Variants in CSMD1 observed in about 807,000 individuals in gnomAD.
CSMD1 encodes the protein CUB and sushi domain-containing protein 1.
Under a neutral mutation model 417.5 loss-of-function variants are expected in CSMD1, and 213 were observed. The observed-to-expected ratio is 0.51, with a 90% CI of 0.46 to 0.57. The LOEUF (loss-of-function observed/expected upper bound fraction) is 0.57, where lower values mean the gene tolerates loss of function less well. Among genes scored for constraint, CSMD1 ranks in the 20% least tolerant of loss-of-function variants. The pLI, the probability that CSMD1 is intolerant of heterozygous loss-of-function variation, is 0.00. For synonymous variants in CSMD1, 2,862 were observed against 1,736.8 expected (o/e 1.65, Z -16.11); for missense variants, 6,923 against 4,529.7 (o/e 1.53, Z -15.17).
intron 1 of CSMD1, among the ~76,000 whole-genome samples, chr8:4,955,751 C>T (rs1411756134): frequency 8.2e-6 from 1 of 122,164 alleles, no homozygotes; most frequent in Admixed American, 9.1e-5. Context: ...CCACCACGCC[C>T]GGGCCCTCTC....
At chr8:3,209,441 C>A (rs905473703) in intron 30 of CSMD1, among the ~76,000 whole-genome samples, 1 of 151,984 alleles carries the variant, frequency 6.6e-6, no homozygotes, top group Admixed American at 6.6e-5. Flanking sequence ...CTCAGCCTCC[C>A]GAGTAGCTGG....
At chr8:3,380,951 C>T (rs1810591634) in intron 18 of CSMD1, among the ~76,000 whole-genome samples, 1 of 151,808 alleles carries the variant, frequency 6.6e-6, no homozygotes, top group South Asian at 2.1e-4. Flanking sequence ...TACCAATGCT[C>T]AAAGAAGAAT....
intron 23 of CSMD1, among the ~76,000 whole-genome samples, chr8:3,342,731 A>T (rs1380839660): frequency 1.3e-5 from 2 of 152,180 alleles, no homozygotes; most frequent in African/African-American, 4.8e-5. Context: ...TCCTGGCTCC[A>T]CCAACTCTTA....
chr8:3,998,488 C>G lies in CSMD1; in HGVS notation c.611-378G>C, dbSNP rs578178764. Among the ~76,000 whole-genome samples the G allele has an allele frequency of 1.2e-3, 180 of 152,160 alleles. 3 individuals carry two copies. In the South Asian group the frequency reaches 0.014, roughly 12 times the overall value. On this transcript the variant is annotated intron_variant, in intron 4 of 69. Transcript: ENST00000635120. ...ATTTTGAGACTTAAAAACATGTGGG[C>G]GTTTATTCATGGATACCTGGCTTTG...
intron 29 of CSMD1, among the ~76,000 whole-genome samples, chr8:3,217,459 A>G (rs1797946183): frequency 6.6e-6 from 1 of 152,206 alleles, no homozygotes; most frequent in Non-Finnish European, 1.5e-5. Flanking sequence ...AGGAGTTGTC[A>G]GAGTGGGCAA....
intron 8 of CSMD1, among the ~76,000 whole-genome samples, chr8:3,605,331 G>A (rs1475362128): frequency 1.3e-5 from 2 of 152,112 alleles, no homozygotes; most frequent in African/African-American, 4.8e-5. Flanking sequence ...TTTACTCCCT[G>A]GTTTCTACAC....
intron 5 of CSMD1, among the ~76,000 whole-genome samples, chr8:3,972,181 A>G (rs969844539): frequency 1.3e-5 from 2 of 152,132 alleles, no homozygotes; most frequent in African/African-American, 2.4e-5. Flanking sequence ...TTCTAAGACC[A>G]TAGATGTGAT....
chr8:3,426,424 A>C (rs898658944), intron 12 of CSMD1, among the ~76,000 whole-genome samples: 3 of 152,088 alleles, frequency 2.0e-5, no homozygotes, highest in African/African-American at 7.2e-5. Flanking sequence ...TTGCTTTTTT[A>C]TTAAAAAATA....
chr8:3,623,910 G>C (rs1796373574), intron 7 of CSMD1, among the ~76,000 whole-genome samples: 2 of 151,982 alleles, frequency 1.3e-5, no homozygotes, highest in Admixed American at 1.3e-4. Context: ...CCGGGAGGCG[G>C]AGTTTGCAGT....
intron 1 of CSMD1, among the ~76,000 whole-genome samples, chr8:4,969,080 C>A (rs139563839): frequency 6.6e-6 from 1 of 152,150 alleles, no homozygotes; most frequent in Non-Finnish European, 1.5e-5. Context: ...AAAGTGTTGA[C>A]AGCTCACTGA....
At chr8:4,419,820 C>T (rs1797145497) in intron 3 of CSMD1, 133 bp downstream of exon 3, 2 of 592,030 alleles carry the variant, frequency 3.4e-6, no homozygotes, top group African/African-American at 1.8e-5. Context: ...CATTGCATTA[C>T]ACAGAAGCCA....
At chr8:4,758,850 T>C (rs1329967617) in intron 1 of CSMD1, among the ~76,000 whole-genome samples, 1 of 152,024 alleles carries the variant, frequency 6.6e-6, no homozygotes, top group African/African-American at 2.4e-5. Context: ...CCTCAAAACC[T>C]GGGGATTACA....
At chr8:3,818,477 C>G (rs1347433491) in intron 5 of CSMD1, among the ~76,000 whole-genome samples, 1 of 152,168 alleles carries the variant, frequency 6.6e-6, no homozygotes, top group Non-Finnish European at 1.5e-5. Context: ...AATGCATGTG[C>G]TAAATGCTTT....
chr8:3,360,806 A>C (rs1039473846), intron 20 of CSMD1, among the ~76,000 whole-genome samples: 13 of 151,996 alleles, frequency 8.6e-5, no homozygotes, highest in African/African-American at 2.7e-4. Context: ...TGGACATATA[A>C]AATCCAACTG....
At chr8:4,824,543 T>C (rs1250323661) in intron 1 of CSMD1, among the ~76,000 whole-genome samples, 1 of 152,174 alleles carries the variant, frequency 6.6e-6, no homozygotes, top group Non-Finnish European at 1.5e-5. Flanking sequence ...GAAAGTTCTA[T>C]TAATAATTAC....
chr8:3,157,358 T>G (rs1329340135), intron 39 of CSMD1, among the ~76,000 whole-genome samples: 2 of 151,842 alleles, frequency 1.3e-5, no homozygotes, highest in African/African-American at 4.8e-5. Flanking sequence ...GTTTAGGGAG[T>G]CTCAAGCCAT....
chr8:4,588,768 A>G (rs1000074455), intron 2 of CSMD1, among the ~76,000 whole-genome samples: 5 of 148,036 alleles, frequency 3.4e-5, no homozygotes, highest in Non-Finnish European at 7.4e-5. Context: ...CTGGCGACAG[A>G]GCAAGACTCC....
intron 7 of CSMD1, among the ~76,000 whole-genome samples, chr8:3,625,913 G>C (rs1295241612): frequency 1.3e-5 from 2 of 152,156 alleles, no homozygotes; most frequent in East Asian, 3.8e-4. Flanking sequence ...CACGGTAGCA[G>C]TAAATGTTCA....
intron 5 of CSMD1, among the ~76,000 whole-genome samples, chr8:3,842,014 A>T (rs1399192412): frequency 2.0e-5 from 3 of 152,224 alleles, no homozygotes; most frequent in African/African-American, 7.2e-5. Context: ...ATATCGAGTT[A>T]AAAGCTCCTT....
Sources: allele counts gnomAD v4.1 joint callset (sites outside exome capture counted in the v4.1 genomes callset), GRCh38; gene constraint gnomAD v4.1.1; transcripts MANE v1.5; gene names NCBI Gene and HGNC (gene_info 2026-07-23, HGNC 2026-07-21).